The following AMMECR1 variants were observed in gnomAD, a reference collection of about 807,000 sequenced individuals.
AMMECR1 encodes the protein AMMECR nuclear protein 1.
A neutral mutation model predicts 22.5 loss-of-function variants in AMMECR1; 3 were observed. That is an observed-to-expected ratio of 0.13 (90% CI 0.06 to 0.35). AMMECR1 has a LOEUF of 0.35. AMMECR1 is among the 10% of genes least tolerant of loss of function. AMMECR1 has a pLI of 1.00. For missense variants in AMMECR1, 235 were observed against 278.7 expected (o/e 0.84, Z 1.12); for synonymous variants, 130 against 116.7 (o/e 1.11, Z -0.74).
At chrX:110,349,710 T>C (rs1177928653) in intron 2 of AMMECR1, among the ~76,000 whole-genome samples, 1 of 112,192 alleles carries the variant, frequency 8.9e-6, no homozygotes, top group Non-Finnish European at 1.9e-5. Flanking sequence ...TTTTTGTATA[T>C]AATAATTCAT....
chrX:110,261,679 G>A (rs905862156), intron 2 of AMMECR1, among the ~76,000 whole-genome samples: 1 of 111,130 alleles, frequency 9.0e-6, no homozygotes, highest in African/African-American at 3.3e-5. Context: ...TAATATCTAT[G>A]GATTTTCCTG....
chrX:110,330,432 C>T (rs924638119), intron 2 of AMMECR1, among the ~76,000 whole-genome samples: 3 of 111,762 alleles, frequency 2.7e-5, no homozygotes, highest in South Asian at 3.8e-4. Context: ...GGACCCCTTC[C>T]AATCCTCAAA....
intron 2 of AMMECR1, among the ~76,000 whole-genome samples, chrX:110,395,376 C>T (rs894101665): frequency 8.9e-6 from 1 of 111,993 alleles, no homozygotes; most frequent in African/African-American, 3.3e-5. Flanking sequence ...TAGACTGTTT[C>T]CTCTCCTCTC....
At chrX:110,264,694 T>A (rs2067758699) in intron 1 of AMMECR1, 95 bp from the exon 2 acceptor site, 2 of 694,604 alleles carry the variant, frequency 2.9e-6, no homozygotes, top group Non-Finnish European at 4.3e-6. Flanking sequence ...GTGCCTGAGA[T>A]ATAAAGACCA....
In AMMECR1 at chrX:110,270,927, GTATTGATCTGAT is replaced by G. The variant is rs1251514948; in HGVS notation, c.474-6340_474-6329del. On this transcript the variant is annotated intron_variant, in intron 1 of 5. Coordinates refer to ENST00000262844, the MANE Select transcript of AMMECR1 (RefSeq NM_015365.3). ...CATTGGTTAACAACTCCTCAGCTAG[GTATTGATCTGAT>G]TATTTGATTAAGTAGTTCATATTAT... Among the ~76,000 whole-genome samples, 6 of 111,874 alleles carry G rather than the reference GTATTGATCTGAT, an allele frequency of 5.4e-5. No homozygotes were observed. In the East Asian group the frequency reaches 1.7e-3, roughly 31 times the overall value.
At chrX:110,214,651 C>A (rs2067464275) in intron 3 of AMMECR1, among the ~76,000 whole-genome samples, 2 of 111,731 alleles carry the variant, frequency 1.8e-5, no homozygotes, top group South Asian at 7.5e-4. Context: ...TCCCCTTTTT[C>A]CTTCCCCCAA....
At chrX:110,313,867 T>C (rs2068035546) in intron 1 of AMMECR1, among the ~76,000 whole-genome samples, 1 of 111,640 alleles carries the variant, frequency 9.0e-6, no homozygotes, top group Non-Finnish European at 1.9e-5. Context: ...AGTTTTATAC[T>C]GAAAACTGGC....
chrX:110,224,203 T>C (rs1231570488), intron 2 of AMMECR1, among the ~76,000 whole-genome samples: 1 of 110,625 alleles, frequency 9.0e-6, no homozygotes, highest in East Asian at 2.8e-4. Context: ...TTATCTTCTC[T>C]AGGAATTAAA....
At chrX:110,412,755 A>G (rs139033308) in intron 2 of AMMECR1, among the ~76,000 whole-genome samples, 2 of 112,406 alleles carry the variant, frequency 1.8e-5, no homozygotes, top group African/African-American at 6.5e-5. Context: ...TCTCCAATAT[A>G]GTATTGTGAT....
At chrX:110,208,061 G>A (rs1316357250) in intron 3 of AMMECR1, among the ~76,000 whole-genome samples, 1 of 112,066 alleles carries the variant, frequency 8.9e-6, no homozygotes, top group Non-Finnish European at 1.9e-5. Context: ...AGTACCATCC[G>A]ACTAGAGATA....
intron 2 of AMMECR1, among the ~76,000 whole-genome samples, chrX:110,411,975 A>G (rs7887044): frequency 0.039 from 4,378 of 112,747 alleles, 219 homozygotes; most frequent in African/African-American, 0.14. Context: ...ATGAGAAGAT[A>G]ATGAACAATT....
At chrX:110,202,563 T>C in intron 3 of AMMECR1, 27 bp from the exon 4 acceptor site, 1 of 947,878 alleles carries the variant, frequency 1.1e-6, no homozygotes. Context: ...GTTTTATTAG[T>C]ACAGTCTTCT....
chrX:110,427,775 T>C (rs2068764821), intron 1 of AMMECR1, among the ~76,000 whole-genome samples: 2 of 112,198 alleles, frequency 1.8e-5, no homozygotes, highest in Admixed American at 9.4e-5. Flanking sequence ...ACTATGCTCT[T>C]GCTTGTTCAT....
intron 2 of AMMECR1, among the ~76,000 whole-genome samples, chrX:110,375,080 G>T (rs16985971): frequency 0.15 from 16,943 of 111,116 alleles, 2,279 homozygotes; most frequent in African/African-American, 0.44. Flanking sequence ...TAGCAAGTAG[G>T]CAAGCTTAGC....
At chrX:110,399,669 T>C (rs1288112464) in intron 2 of AMMECR1, among the ~76,000 whole-genome samples, 1 of 111,849 alleles carries the variant, frequency 8.9e-6, no homozygotes, top group African/African-American at 3.3e-5. Context: ...AATCTCATTG[T>C]GCGGCTAGCC....
intron 2 of AMMECR1, among the ~76,000 whole-genome samples, chrX:110,333,537 A>C (rs771671596): frequency 8.0e-5 from 9 of 111,818 alleles, no homozygotes; most frequent in Non-Finnish European, 1.7e-4. Flanking sequence ...TGTTTGTTGC[A>C]GCACTGTTCA....
At chrX:110,391,905 T>TA (rs1269480061) in intron 2 of AMMECR1, among the ~76,000 whole-genome samples, 1 of 111,977 alleles carries the variant, frequency 8.9e-6, no homozygotes, top group Non-Finnish European at 1.9e-5. Flanking sequence ...GTCAAAGGCT[T>TA]AAAAAAATGT....
chrX:110,426,932 T>C (rs1429140731), intron 1 of AMMECR1: 1 of 112,535 alleles, frequency 8.9e-6, no homozygotes, highest in Non-Finnish European at 1.9e-5. Flanking sequence ...CACATTTAAC[T>C]TTTTGTTACA....
At chrX:110,231,355 A>C (rs1262416920) in intron 2 of AMMECR1, among the ~76,000 whole-genome samples, 1 of 112,451 alleles carries the variant, frequency 8.9e-6, no homozygotes. Context: ...AGTGGGGGCC[A>C]ATATTCAACA....
Sources: allele counts gnomAD v4.1 joint callset (sites outside exome capture counted in the v4.1 genomes callset), GRCh38; gene constraint gnomAD v4.1.1; transcripts MANE v1.5; gene names NCBI Gene and HGNC (gene_info 2026-07-23, HGNC 2026-07-21).